The following SETD1A variants were observed in gnomAD, a reference collection of about 807,000 sequenced individuals.
The protein encoded by SETD1A is histone-lysine N-methyltransferase SETD1A.
SETD1A carries 29 observed loss-of-function variants against 149.9 expected under a neutral mutation model. That is an observed-to-expected ratio of 0.19 (90% confidence interval 0.14 to 0.26). The LOEUF (loss-of-function observed/expected upper bound fraction) is 0.26, where lower values mean the gene tolerates loss of function less well. SETD1A is among the 10% of genes least tolerant of loss of function. The pLI is 1.00. For missense variants in SETD1A, 2,109 were observed against 2,353.1 expected, an observed-to-expected ratio of 0.90 and a Z score of 2.15; for synonymous variants, 1,141 against 968.5, an observed-to-expected ratio of 1.18 and a Z score of -3.31.
In SETD1A at chr16:30,961,559, A is replaced by C. The variant is rs2056052570; in HGVS notation, c.517+22A>C. 2 of 1,609,938 alleles carry C rather than the reference A, an allele frequency of 1.2e-6. No individual in the cohort carries two copies. Among genetic ancestry groups the C allele is most frequent in the Admixed American group, 3.4e-5 (2 of 58,918 alleles). On this transcript the variant is annotated intron_variant, in intron 4 of 18. Transcript: ENST00000262519. The surrounding 1 kb of genome is among the most constrained non-coding windows in gnomAD (Gnocchi z 4.0). The stretch of plus-strand genomic sequence containing the variant: ...AAAGGTGAGGACTCCTCTGCCTGCC[A>C]CTCAGGCTTGGCCTCCAGCGGAGGT...
chr16:30,958,070 C>T (rs1484103835), intron 1 of SETD1A, 106 bp downstream of exon 1: 2 of 149,992 alleles, frequency 1.3e-5, no homozygotes, highest in East Asian at 2.0e-4. Flanking sequence ...CGCCGCCTCG[C>T]GCCGCTGAGG....
rs1193084397 is a variant in SETD1A, at chr16:30,965,355, C to A, written c.1613C>A (p.Pro538His). ...GTGCCTTCTGGGTCAGGGCATGGGC[C>A]CTGCACACCCCCTCCGGCCCCAGCT... Reference protein sequence around the residue: ...SEVPSGSGHGPCTPPPAPANF... With the variant: ...SEVPSGSGHGHCTPPPAPANF... Residue 538 changes from proline to histidine, a missense_variant, in exon 7 of 19, where the codon CCC becomes CAC. Transcript: ENST00000262519. 5 of 1,613,090 alleles carry A rather than the reference C, an allele frequency of 3.1e-6. No homozygotes were observed. Among genetic ancestry groups the A allele is most frequent in the Non-Finnish European group, 4.2e-6 (5 of 1,179,182 alleles).
Position 30,979,709 on chromosome 16 carries a change from C to T in SETD1A, c.3923C>T (p.Pro1308Leu). The change falls in exon 14 of 19, where the codon CCC becomes CTC. Residue 1308 changes from proline to leucine, a missense_variant. Pro to Leu is a moderately conservative substitution (Grantham distance 98). Transcript: ENST00000262519. ...CACAACTATGCCCTGGCCGTCAAGCCCACGCCCCCTGCGCCAGCCCTGCGG... is the reference window on the plus strand; with the variant it reads ...CACAACTATGCCCTGGCCGTCAAGCTCACGCCCCCTGCGCCAGCCCTGCGG... ...LEHNYALAVKPTPPAPALRPP... is the reference protein window; with the variant it reads ...LEHNYALAVKLTPPAPALRPP... 6.2e-7 allele frequency: 1 copy of T among 1,602,916 alleles called. No homozygotes were observed. The highest frequency in any genetic ancestry group is 8.5e-7 in the Non-Finnish European group (1 of 1,178,946).
Position 30,964,837 on chromosome 16 carries a change from C to G in SETD1A, c.1095C>G (p.Asn365Lys), listed in dbSNP as rs1437277773. Residue 365 changes from asparagine (N) to lysine (K), a missense_variant, in exon 7 of 19, where the codon AAC becomes AAG. Around this residue, in one of 8 missense-constraint regions of SETD1A, gnomAD observed 410 missense variants for 394.8 expected, o/e 1.04. Transcript: ENST00000262519. ...CTCAGTTTCGTAGTTCTGATGCAAA[C>G]TACCCAGCGTATTATGAAAGCTGGA... ...SSSQFRSSDA[N>K]YPAYYESWNR... is the part of the protein sequence containing the mutation. 1 of 1,614,232 alleles carries G rather than the reference C, an allele frequency of 6.2e-7. No individual in the cohort carries two copies. The highest frequency in any genetic ancestry group is 1.7e-5 in the Admixed American group (1 of 60,036).
Position 30,983,977 on chromosome 16 carries a change from T to TC in SETD1A, c.5081dup (p.Cys1695ValfsTer40). 6.2e-7 allele frequency: 1 copy of TC among 1,614,028 alleles called. No individual in the cohort carries two copies. On this transcript the variant is annotated frameshift_variant, in exon 19 of 19. Coordinates refer to ENST00000262519, the MANE Select transcript of SETD1A (RefSeq NM_014712.3). LOFTEE classifies it high-confidence loss of function. This position sits in a 1 kb window ranked among gnomAD's most constrained non-coding sequence, Gnocchi z 6.8. ...AAGTTCCCACTGGAAGACAACAAGA[T>TC]CCCGTGTCTGTGTGGCACAGAGAGC... is the stretch of plus-strand genomic sequence containing the variant.
intron 8 of SETD1A, 167 bp from the exon 9 acceptor site, chr16:30,966,717 A>G (rs945332445): frequency 2.4e-6 from 1 of 414,440 alleles, no homozygotes; most frequent in Admixed American, 6.4e-5. Flanking sequence ...GGTGGGCGAA[A>G]TGACAGACTT....
chr16:30,982,399 G>T (rs985753113), intron 17 of SETD1A, among the ~76,000 whole-genome samples: 34 of 152,010 alleles, frequency 2.2e-4, no homozygotes, highest in Non-Finnish European at 4.6e-4. Flanking sequence ...TACTAGGGAG[G>T]CTGAGGCAGG....
rs1290754195 is a variant in SETD1A at position 30,983,283 on chromosome 16, A to G, written c.4813-352A>G. 6.6e-6 allele frequency among the ~76,000 whole-genome samples: 1 copy of G among 152,174 alleles called. No homozygotes were observed. Among genetic ancestry groups the G allele is most frequent in the Non-Finnish European group, 1.5e-5 (1 of 68,024 alleles). On this transcript the variant is annotated intron_variant, in intron 17 of 18. Transcript: ENST00000262519. This position sits in a 1 kb window ranked among gnomAD's most constrained non-coding sequence, Gnocchi z 6.8. ...AGATGAGCAGGGTGCCGTTGGTGAC[A>G]TGGCCAGTCATTTCAGGAGCTGCCC...
chr16:30,970,734 C>A (rs1008885830), intron 12 of SETD1A, among the ~76,000 whole-genome samples: 2 of 152,150 alleles, frequency 1.3e-5, no homozygotes, highest in Admixed American at 1.3e-4. Flanking sequence ...CACAGGGTGT[C>A]CCCCCAGGCC....
Position 30,964,076 on chromosome 16 carries a change from C to T in SETD1A, c.640-18C>T, listed in dbSNP as rs1451867906. 6.2e-7 allele frequency: 1 copy of T among 1,604,392 alleles called. No individual in the cohort carries two copies. Among genetic ancestry groups the T allele is most frequent in the East Asian group, 2.2e-5 (1 of 44,846 alleles). On this transcript the variant is annotated intron_variant, in intron 5 of 18. Coordinates refer to ENST00000262519, the MANE Select transcript of SETD1A (RefSeq NM_014712.3). ...TTTGAGCCCATTCCTCTCTCCTTGCCCTGCTCTGTCGCTCTAGGCCGAATC... is the reference window on the plus strand; with the variant it reads ...TTTGAGCCCATTCCTCTCTCCTTGCTCTGCTCTGTCGCTCTAGGCCGAATC...
chr16:30,965,656 G>T lies in SETD1A; in HGVS notation c.1775G>T (p.Gly592Val). 1 of 1,612,688 alleles carries T rather than the reference G, an allele frequency of 6.2e-7. No individual in the cohort carries two copies. The highest frequency in any genetic ancestry group is 8.5e-7 in the Non-Finnish European group (1 of 1,179,568). The change falls in exon 8 of 19, where the codon GGC (glycine) becomes GTC (valine). Residue 592 changes from glycine to valine, a missense_variant. Physicochemically the swap from Gly to Val is moderately radical, Grantham distance 109. Transcript: ENST00000262519. ...GAGATCTCCGACGACGACCGGGGTG[G>T]CTCACCCCCTCCGGCCCCGACGCCC... ...DMEISDDDRG[G>V]SPPPAPTPPQ... is the part of the protein sequence containing the mutation.
intron 13 of SETD1A, among the ~76,000 whole-genome samples, chr16:30,973,633 C>T (rs2056251587): frequency 6.6e-6 from 1 of 152,102 alleles, no homozygotes; most frequent in Non-Finnish European, 1.5e-5. Flanking sequence ...CCAGCCTGGG[C>T]AACAGAGTGA....
Position 30,964,176 on chromosome 16 carries a change from C to T in SETD1A, c.722C>T (p.Thr241Ile), listed in dbSNP as rs1238090527. 1 of 1,614,020 alleles carries T rather than the reference C, an allele frequency of 6.2e-7. No individual in the cohort carries two copies. The highest frequency in any genetic ancestry group is 8.5e-7 in the Non-Finnish European group (1 of 1,179,926). Residue 241 changes from threonine to isoleucine, a missense_variant, in exon 6 of 19, where the codon ACC becomes ATC. Physicochemically the swap from Thr to Ile is moderately conservative, Grantham distance 89 (BLOSUM62 -1). Around this residue, in one of 8 missense-constraint regions of SETD1A, gnomAD observed 410 missense variants for 394.8 expected, o/e 1.04. Coordinates refer to ENST00000262519, the MANE Select transcript of SETD1A (RefSeq NM_014712.3). ...GCGGTGGGCACTCCTGGCAACGGCA[C>T]CCCCTGCTCCCAGGACACAAGCTTC... ...TTAVGTPGNG[T>I]PCSQDTSFSS...
In SETD1A at chr16:30,980,383, G is replaced by C. The variant is rs2143586389; in HGVS notation, c.4409-102G>C. The C allele has an allele frequency of 1.3e-6, 2 of 1,482,070 alleles. No homozygotes were observed. The highest frequency in any genetic ancestry group is 2.8e-5 in the African/African-American group (2 of 71,294). 91.8% of individuals were successfully genotyped at this position (1,482,070 alleles called of 1,614,324 possible). ...CGATGGGGCTGGGGCTTCCTCCCCT[G>C]TCCCTCACCTGGGTATGCTCAGCGG... On this transcript the variant is annotated intron_variant, in intron 14 of 18. Coordinates refer to ENST00000262519, the MANE Select transcript of SETD1A (RefSeq NM_014712.3). The surrounding 1 kb of genome is among the most constrained non-coding windows in gnomAD (Gnocchi z 7.7).
chr16:30,964,454 A>C, intron 6 of SETD1A, 131 bp downstream of exon 6: 1 of 1,371,330 alleles, frequency 7.3e-7, no homozygotes, highest in African/African-American at 1.4e-5. Context: ...GGATTCAGTC[A>C]ACAAATTGCT....
Position 30,983,664 on chromosome 16 carries a change from C to T in SETD1A, c.4842C>T (p.Tyr1614=), listed in dbSNP as rs572402645. ...QMVADMREKR[Y]VQEGIGSSYL... ...TGGCCGACATGCGGGAGAAGCGCTA[C>T]GTGCAGGAGGGCATTGGCAGCAGCT... Residue 1614 remains tyrosine, a synonymous_variant, in exon 18 of 19, where the codon TAC becomes TAT. Coordinates refer to ENST00000262519, the MANE Select transcript of SETD1A (RefSeq NM_014712.3). This position sits in a 1 kb window ranked among gnomAD's most constrained non-coding sequence, Gnocchi z 6.8. The T allele has an allele frequency of 3.7e-5, 59 of 1,613,696 alleles. No homozygotes were observed. Among genetic ancestry groups the T allele is most frequent in the Admixed American group, 2.5e-4 (15 of 59,978 alleles).
chr16:30,965,452 A>G lies in SETD1A; in HGVS notation c.1710A>G (p.Gly570=), dbSNP rs759416881. Residue 570 remains glycine, a synonymous_variant, in exon 7 of 19, where the codon GGA becomes GGG. Coordinates refer to ENST00000262519, the MANE Select transcript of SETD1A (RefSeq NM_014712.3). ...GATRESPKAN[G]QNQASPCSSG... is the part of the protein sequence containing the mutation. ...CCCGGGAGTCTCCCAAGGCAAATGGACAGAACCAGGTGAGGTTGGGGTCAG... is the reference window on the plus strand; with the variant it reads ...CCCGGGAGTCTCCCAAGGCAAATGGGCAGAACCAGGTGAGGTTGGGGTCAG... 6.3e-7 allele frequency: 1 copy of G among 1,595,852 alleles called. No individual in the cohort carries two copies. The highest frequency in any genetic ancestry group is 8.6e-7 in the Non-Finnish European group (1 of 1,167,030).
rs1170392409 is a variant in SETD1A, at chr16:30,965,682, C to T, written c.1801C>T (p.Pro601Ser). The T allele has an allele frequency of 2.5e-6, 4 of 1,607,362 alleles. No homozygotes were observed. Among genetic ancestry groups the T allele is most frequent in the Non-Finnish European group, 3.4e-6 (4 of 1,177,238 alleles). Residue 601 changes from proline to serine, a missense_variant, in exon 8 of 19, where the codon CCT (proline) becomes TCT (serine). Around this residue, in one of 8 missense-constraint regions of SETD1A, gnomAD observed 431 missense variants for 388.6 expected, o/e 1.11. Coordinates refer to ENST00000262519, the MANE Select transcript of SETD1A (RefSeq NM_014712.3). ...GGSPPPAPTP[P>S]QQPPPPPPPP... The stretch of plus-strand genomic sequence containing the variant: ...CTCACCCCCTCCGGCCCCGACGCCC[C>T]CTCAGCAGCCTCCGCCACCTCCCCC...
chr16:30,981,054 C>A lies in SETD1A; in HGVS notation c.4693-7C>A. On this transcript the variant is annotated splice_region_variant and splice_polypyrimidine_tract_variant and intron_variant, in intron 16 of 18. Transcript: ENST00000262519. ...TCTGGCAGTTGAGTCTCCCTTCTGC[C>A]CCCCAGTTCCGGAAGAAGAAGCTCC... The A allele has an allele frequency of 6.2e-7, 1 of 1,613,992 alleles. No individual in the cohort carries two copies. Among genetic ancestry groups the A allele is most frequent in the Non-Finnish European group, 8.5e-7 (1 of 1,179,908 alleles).
Sources: gnomAD v4.1 joint callset for allele counts (sites outside exome capture counted in the v4.1 genomes callset) on GRCh38, gnomAD v4.1.1 for gene constraint, gnomAD v4.1.1 regional missense constraint, Gnocchi (gnomAD v3.1) non-coding constraint, MANE v1.5 for transcripts, NCBI Gene and HGNC (gene_info 2026-07-23, HGNC 2026-07-21) for gene names.